Variants in NKAIN3 observed in about 807,000 individuals in gnomAD.
The protein encoded by NKAIN3 is sodium/potassium-transporting ATPase subunit beta-1-interacting protein 3.
A neutral mutation model predicts 30.2 loss-of-function variants in NKAIN3; 25 were observed. That is an observed-to-expected ratio of 0.83 (90% CI 0.60 to 1.16). The LOEUF is 1.16. Ranked by LOEUF, NKAIN3 falls within the 50% of genes most tolerant of loss-of-function variation. NKAIN3 has a pLI of 0.00. For synonymous variants in NKAIN3, 91 were observed against 89.6 expected (o/e 1.02, Z -0.09); for missense variants, 225 against 254.1 (o/e 0.89, Z 0.78).
At chr8:62,849,187 G>A (rs1408389317) in intron 4 of NKAIN3, among the ~76,000 whole-genome samples, 1 of 151,000 alleles carries the variant, frequency 6.6e-6, no homozygotes, top group African/African-American at 2.4e-5. Context: ...GAATAAGTTA[G>A]GGAGGAGTCC....
intron 1 of NKAIN3, among the ~76,000 whole-genome samples, chr8:62,353,750 TGTGA>T (rs1232112920): frequency 1.3e-5 from 2 of 152,166 alleles, no homozygotes; most frequent in African/African-American, 4.8e-5. Flanking sequence ...TTTTGTCAAA[TGTGA>T]GTAACTAATT....
chr8:62,802,238 G>T lies in NKAIN3; in HGVS notation c.471+55109G>T, dbSNP rs573167424. 2.6e-3 allele frequency among the ~76,000 whole-genome samples: 389 copies of T among 152,260 alleles called. 2 individuals carry two copies. The highest frequency in any genetic ancestry group is 8.9e-3 in the African/African-American group (371 of 41,550). On this transcript the variant is annotated intron_variant, in intron 4 of 6. Transcript: ENST00000623646. ...GAAATTCCCCAATCTAGCAAGGCAGGCCAACATTCAGATTCAGGAAATACA... is the reference window on the plus strand; with the variant it reads ...GAAATTCCCCAATCTAGCAAGGCAGTCCAACATTCAGATTCAGGAAATACA...
intron 2 of NKAIN3, among the ~76,000 whole-genome samples, chr8:62,583,447 C>T (rs1348031773): frequency 1.3e-5 from 2 of 152,186 alleles, no homozygotes; most frequent in Non-Finnish European, 2.9e-5. Context: ...AGGATCCTCT[C>T]TCAGGAAGGG....
chr8:62,794,126 T>G (rs1817782491), intron 4 of NKAIN3, among the ~76,000 whole-genome samples: 1 of 152,224 alleles, frequency 6.6e-6, no homozygotes, highest in Non-Finnish European at 1.5e-5. Flanking sequence ...TTGTTCTTCT[T>G]CTTATCACTG....
At chr8:62,906,489 T>C (rs1009884229) in intron 4 of NKAIN3, among the ~76,000 whole-genome samples, 1 of 152,174 alleles carries the variant, frequency 6.6e-6, no homozygotes, top group African/African-American at 2.4e-5. Flanking sequence ...TAACAAGCAG[T>C]ATTGTAGAAC....
chr8:62,317,252 T>A (rs953875510), intron 1 of NKAIN3, among the ~76,000 whole-genome samples: 6 of 152,234 alleles, frequency 3.9e-5, no homozygotes, highest in African/African-American at 1.4e-4. Context: ...GTAGTTTCTT[T>A]TGCCGTGCAG....
chr8:62,350,773 C>T (rs2129591749), intron 1 of NKAIN3, among the ~76,000 whole-genome samples: 1 of 152,144 alleles, frequency 6.6e-6, no homozygotes, highest in Admixed American at 6.6e-5. Flanking sequence ...TCACAGCAAC[C>T]TCTGCCTCCC....
intron 1 of NKAIN3, among the ~76,000 whole-genome samples, chr8:62,516,001 G>A (rs1443183627): frequency 6.6e-6 from 1 of 151,880 alleles, no homozygotes; most frequent in Non-Finnish European, 1.5e-5. Context: ...TGATCTGTCT[G>A]TCAACTTTGT....
At chr8:62,828,091 A>G (rs1038270457) in intron 4 of NKAIN3, among the ~76,000 whole-genome samples, 1 of 152,168 alleles carries the variant, frequency 6.6e-6, no homozygotes, top group Non-Finnish European at 1.5e-5. Context: ...TAAAAAAAAA[A>G]AATTTAAAAA....
chr8:62,738,286 T>C (rs748221138), intron 3 of NKAIN3, among the ~76,000 whole-genome samples: 7 of 152,176 alleles, frequency 4.6e-5, no homozygotes, highest in South Asian at 2.1e-4. Context: ...CTTATTTCCA[T>C]GTGTTTTTTG....
Position 62,424,266 on chromosome 8 carries a change from T to C in NKAIN3, c.55-155273T>C, listed in dbSNP as rs533198851. On this transcript the variant is annotated intron_variant, in intron 1 of 6. Coordinates refer to ENST00000623646, the MANE Select transcript of NKAIN3 (RefSeq NM_001304533.3). The stretch of plus-strand genomic sequence containing the variant: ...AACATTAGTCTAGGCAAAAATTTCT[T>C]GGATATGACACCAAAATCACAGGCA... 4.3e-4 allele frequency among the ~76,000 whole-genome samples: 65 copies of C among 152,102 alleles called. No individual in the cohort carries two copies. In the South Asian group the frequency reaches 0.013, roughly 31 times the overall value.
At chr8:62,676,714 C>CTTTT (rs5891868) in intron 3 of NKAIN3, among the ~76,000 whole-genome samples, 1 of 138,518 alleles carries the variant, frequency 7.2e-6, no homozygotes, top group African/African-American at 2.7e-5. Context: ...TAATAACAGT[C>CTTTT]TTTTTTTTTT....
intron 3 of NKAIN3, among the ~76,000 whole-genome samples, chr8:62,622,642 T>G (rs1811652131): frequency 6.6e-6 from 1 of 152,082 alleles, no homozygotes; most frequent in Non-Finnish European, 1.5e-5. Flanking sequence ...ACTGTGAAAT[T>G]TTGAGATTTC....
At chr8:62,555,958 AT>A (rs1000550918) in intron 1 of NKAIN3, among the ~76,000 whole-genome samples, 30 of 152,194 alleles carry the variant, frequency 2.0e-4, no homozygotes, top group African/African-American at 7.2e-4. Flanking sequence ...GTCTAAAAGT[AT>A]TTCAGTGAAA....
chr8:62,454,323 A>AAAAAAAAAAAAAAAAAAAAAAAAAAC (rs1360909972), intron 1 of NKAIN3, among the ~76,000 whole-genome samples: 2 of 145,100 alleles, frequency 1.4e-5, no homozygotes, highest in Admixed American at 7.0e-5. Flanking sequence ...AAAAAAAAAA[A>AAAAAAAAAAAAAAAAAAAAAAAAAAC]TCTGAAAATC....
intron 1 of NKAIN3, among the ~76,000 whole-genome samples, chr8:62,485,987 C>T (rs1806887828): frequency 6.6e-6 from 1 of 152,120 alleles, no homozygotes; most frequent in South Asian, 2.1e-4. Flanking sequence ...TAGTTGAATA[C>T]AGGCAGTATA....
intron 5 of NKAIN3, among the ~76,000 whole-genome samples, chr8:62,942,556 A>T (rs1332359572): frequency 1.3e-5 from 2 of 151,918 alleles, no homozygotes; most frequent in Non-Finnish European, 2.9e-5. Context: ...GGAACCAAAA[A>T]AGAGCCCACA....
At chr8:62,592,418 A>C (rs1403661161) in intron 3 of NKAIN3, among the ~76,000 whole-genome samples, 1 of 152,098 alleles carries the variant, frequency 6.6e-6, no homozygotes, top group Non-Finnish European at 1.5e-5. Flanking sequence ...TAGGATCCTC[A>C]TTAACATTTA....
intron 1 of NKAIN3, among the ~76,000 whole-genome samples, chr8:62,292,120 C>G (rs1383162541): frequency 6.6e-6 from 1 of 152,056 alleles, no homozygotes. Flanking sequence ...TTATTTTGAG[C>G]CTACATGTAT....
Sources: allele counts gnomAD v4.1 joint callset (sites outside exome capture counted in the v4.1 genomes callset), GRCh38; gene constraint gnomAD v4.1.1; transcripts MANE v1.5; gene names NCBI Gene and HGNC (gene_info 2026-07-23, HGNC 2026-07-21).